Variants in ENPP1 observed in about 807,000 individuals in gnomAD.
ENPP1 encodes ectonucleotide pyrophosphatase/phosphodiesterase 1.
Under a neutral mutation model 122.8 loss-of-function variants are expected in ENPP1, and 73 were observed. The ratio of observed to expected loss-of-function variants is 0.59; its 90% confidence interval spans 0.49 to 0.72. The LOEUF (loss-of-function observed/expected upper bound fraction) is 0.72. ENPP1 is among the 30% of genes least tolerant of loss of function. ENPP1 has a pLI of 0.00. For missense variants in ENPP1, 978 were observed against 1,128.1 expected (o/e 0.87, Z 1.91); for synonymous variants, 367 against 391.6 (o/e 0.94, Z 0.74).
At chr6:131,831,782 C>T (rs80157873) in intron 1 of ENPP1, among the ~76,000 whole-genome samples, 1,935 of 152,220 alleles carry the variant, frequency 0.013, 43 homozygotes, top group African/African-American at 0.043. Context: ...CTTGACTACC[C>T]GGCTGAGGTA....
At chr6:131,826,402 C>T (rs1585796696) in intron 1 of ENPP1, 1 of 941,536 alleles carries the variant, frequency 1.1e-6, no homozygotes, top group Non-Finnish European at 1.7e-6. Flanking sequence ...ATTAATAGGA[C>T]CCCAAAAGAG....
At chr6:131,861,558 G>A in intron 8 of ENPP1, 37 bp from the exon 9 acceptor site, 1 of 1,257,094 alleles carries the variant, frequency 8.0e-7, no homozygotes, top group Non-Finnish European at 1.2e-6. Context: ...ATGAATGTTT[G>A]CATGATTTCT....
intron 9 of ENPP1, among the ~76,000 whole-genome samples, chr6:131,863,808 C>T (rs915671378): frequency 2.6e-5 from 4 of 150,978 alleles, no homozygotes; most frequent in African/African-American, 7.3e-5. Flanking sequence ...CCCAGCTACT[C>T]GGGAGGCTGA....
intron 23 of ENPP1, among the ~76,000 whole-genome samples, 177 bp downstream of exon 23, chr6:131,885,240 A>G (rs1782362066): frequency 6.6e-6 from 1 of 152,196 alleles, no homozygotes; most frequent in South Asian, 2.1e-4. Context: ...TGTTTTGCTC[A>G]ATGTTCAGTA....
intron 1 of ENPP1, among the ~76,000 whole-genome samples, chr6:131,821,694 T>G (rs1173546339): frequency 6.6e-6 from 1 of 152,200 alleles, no homozygotes; most frequent in Non-Finnish European, 1.5e-5. Context: ...CCTGATAACA[T>G]TCAGATGTTT....
chr6:131,867,716 G>C (rs1782107970), intron 11 of ENPP1, among the ~76,000 whole-genome samples: 1 of 152,102 alleles, frequency 6.6e-6, no homozygotes, highest in African/African-American at 2.4e-5. Flanking sequence ...TCTGACCTCA[G>C]GAATAGATCA....
At position 131,822,363 on chromosome 6, in the gene ENPP1, C is replaced by T. The variant is rs1348756132; in HGVS notation, c.240+14088C>T. Among the ~76,000 whole-genome samples the T allele has an allele frequency of 2.0e-5, 3 of 152,128 alleles. No individual in the cohort carries two copies. In the East Asian group the frequency reaches 5.8e-4, roughly 29 times the overall value. ...TTGAACAATTACTTTCTTTCTTTGACTTTCAGTTTCCTTAACCGTAATATG... is the reference window on the plus strand; with the variant it reads ...TTGAACAATTACTTTCTTTCTTTGATTTTCAGTTTCCTTAACCGTAATATG... On this transcript the variant is annotated intron_variant, in intron 1 of 24. Coordinates refer to ENST00000647893, the MANE Select transcript of ENPP1 (RefSeq NM_006208.3).
chr6:131,847,914 T>C (rs1781833681), intron 2 of ENPP1, 66 bp downstream of exon 2: 1 of 1,213,392 alleles, frequency 8.2e-7, no homozygotes, highest in Admixed American at 1.8e-5. Flanking sequence ...CACAGCCTTA[T>C]TAAGAATGTG....
chr6:131,811,368 C>CTA lies in ENPP1; in HGVS notation c.240+3097_240+3098dup, dbSNP rs1250460011. Among the ~76,000 whole-genome samples, 357 of 142,538 alleles carry CTA rather than the reference C, an allele frequency of 2.5e-3. 3 individuals are homozygous for CTA. Among genetic ancestry groups the CTA allele is most frequent in the Middle Eastern group, 0.022 (6 of 268 alleles). The allele number at this position is 142,538 out of a possible 152,430, so 93.5% of individuals were successfully genotyped here. A position where few individuals can be genotyped will look rare whatever the true frequency, so the allele number is the denominator to read the frequency against. ...TCTTTAAAAAAACATATATCTATAT[C>CTA]TATATCTATATATCTATATCTATAT... On this transcript the variant is annotated intron_variant, in intron 1 of 24. Coordinates refer to ENST00000647893, the MANE Select transcript of ENPP1 (RefSeq NM_006208.3).
At chr6:131,815,195 G>A (rs985073383) in intron 1 of ENPP1, among the ~76,000 whole-genome samples, 2 of 152,212 alleles carry the variant, frequency 1.3e-5, no homozygotes, top group African/African-American at 2.4e-5. Flanking sequence ...CTGTGATAAC[G>A]TGGATTCAGA....
intron 13 of ENPP1, among the ~76,000 whole-genome samples, chr6:131,870,129 A>T (rs1352129083): frequency 6.6e-6 from 1 of 152,158 alleles, no homozygotes; most frequent in Admixed American, 6.5e-5. Context: ...TGTTTAAGAG[A>T]GAAATCCAAC....
intron 11 of ENPP1, among the ~76,000 whole-genome samples, chr6:131,866,236 A>T (rs1562179286): frequency 6.6e-6 from 1 of 151,926 alleles, no homozygotes; most frequent in East Asian, 1.9e-4. Context: ...ATAGACTATT[A>T]AAAAAAACAC....
At chr6:131,866,242 A>T (rs1782089926) in intron 11 of ENPP1, among the ~76,000 whole-genome samples, 1 of 152,008 alleles carries the variant, frequency 6.6e-6, no homozygotes, top group South Asian at 2.1e-4. Context: ...TATTAAAAAA[A>T]ACACTCTTTC....
At chr6:131,874,391 CAA>C (rs1171310402) in intron 16 of ENPP1, 54 bp downstream of exon 16, 2 of 1,015,970 alleles carry the variant, frequency 2.0e-6, no homozygotes, top group Admixed American at 1.7e-5. Flanking sequence ...AAATGATATG[CAA>C]AGTTTTAGAC....
rs372193447 is a variant in ENPP1 at position 131,881,820 on chromosome 6, A to G, written c.2101-525A>G. On this transcript the variant is annotated intron_variant, in intron 20 of 24. Coordinates refer to ENST00000647893, the MANE Select transcript of ENPP1 (RefSeq NM_006208.3). ...GATCACCTGAGGTCAGGAGCTCAAG[A>G]CCAGCCTTGCCAACATGGTGAAACC... 1.0e-3 allele frequency among the ~76,000 whole-genome samples: 155 copies of G among 152,120 alleles called. 6 individuals carry two copies. The South Asian group carries it at 0.031, about 31-fold the overall frequency.
intron 20 of ENPP1, among the ~76,000 whole-genome samples, chr6:131,881,791 G>A (rs1157890789): frequency 6.6e-6 from 1 of 151,980 alleles, no homozygotes; most frequent in Non-Finnish European, 1.5e-5. Flanking sequence ...GGCTGCAGCG[G>A]ATGGATCACC....
At chr6:131,811,370 A>G (rs892929314) in intron 1 of ENPP1, among the ~76,000 whole-genome samples, 1 of 142,362 alleles carries the variant, frequency 7.0e-6, no homozygotes, top group Admixed American at 7.0e-5. Context: ...ATCTATATCT[A>G]TATCTATATA....
intron 5 of ENPP1, among the ~76,000 whole-genome samples, chr6:131,853,258 G>A (rs1286668745): frequency 6.6e-6 from 1 of 152,050 alleles, no homozygotes; most frequent in Non-Finnish European, 1.5e-5. Context: ...TTCAACAGAA[G>A]AGCCTTTTTT....
At chr6:131,876,915 G>A in intron 17 of ENPP1, 77 bp from the exon 18 acceptor site, 1 of 1,415,350 alleles carries the variant, frequency 7.1e-7, no homozygotes, top group Middle Eastern at 2.1e-4. Context: ...TTTTAAAAAA[G>A]TAAAGATCAT....
Sources: gnomAD v4.1 joint callset for allele counts (sites outside exome capture counted in the v4.1 genomes callset) on GRCh38, gnomAD v4.1.1 for gene constraint, MANE v1.5 for transcripts, NCBI Gene and HGNC (gene_info 2026-07-23, HGNC 2026-07-21) for gene names.